ADAMTS16: variants seen among roughly 807,000 people sequenced by gnomAD.
The protein encoded by ADAMTS16 is ADAM metallopeptidase with thrombospondin type 1 motif 16, also known as A disintegrin and metalloproteinase with thrombospondin motifs 16.
ADAMTS16 carries 94 observed loss-of-function variants against 145.8 expected under a neutral mutation model. The observed-to-expected ratio is 0.64, with a 90% CI of 0.55 to 0.77. The LOEUF (loss-of-function observed/expected upper bound fraction) is 0.77, where lower values mean the gene tolerates loss of function less well. Among genes scored for constraint, ADAMTS16 ranks in the 30% least tolerant of loss-of-function variants. The probability of loss-of-function intolerance (pLI) is 0.00; values close to 1 mark genes in which losing one functional copy is unlikely to be tolerated. For missense variants in ADAMTS16, 1,585 were observed against 1,591.5 expected (o/e 1.00, Z 0.07); for synonymous variants, 659 against 604.3 (o/e 1.09, Z -1.33).
In ADAMTS16 at chr5:5,143,356, C is replaced by T. The variant is rs181605127; in HGVS notation, c.175+2590C>T. On this transcript the variant is annotated intron_variant, in intron 2 of 22. Transcript: ENST00000274181. The stretch of plus-strand genomic sequence containing the variant: ...CAATTTTCAAAAGAAGACATTTATG[C>T]GGCCAACAAACATATGAAAAAAACC... 6.6e-5 allele frequency among the ~76,000 whole-genome samples: 10 copies of T among 152,206 alleles called. No homozygotes were observed. The South Asian group carries it at 8.3e-4, about 13-fold the overall frequency.
At chr5:5,192,863 C>T (rs1012445009) in intron 8 of ADAMTS16, among the ~76,000 whole-genome samples, 1 of 152,200 alleles carries the variant, frequency 6.6e-6, no homozygotes, top group Non-Finnish European at 1.5e-5. Context: ...GGGCCCATTT[C>T]CTGCCCAAGC....
chr5:5,281,019 G>T (rs1405599811), intron 18 of ADAMTS16, among the ~76,000 whole-genome samples: 1 of 152,150 alleles, frequency 6.6e-6, no homozygotes, highest in Non-Finnish European at 1.5e-5. Flanking sequence ...TTTCCTTCTA[G>T]CCAGCAATAT....
chr5:5,238,868 G>A (rs1579333103), intron 14 of ADAMTS16, among the ~76,000 whole-genome samples: 1 of 152,300 alleles, frequency 6.6e-6, no homozygotes, highest in Non-Finnish European at 1.5e-5. Flanking sequence ...TTCACCCATC[G>A]CTCCAACATG....
In ADAMTS16 at chr5:5,186,124, G is replaced by A. The variant is rs1431159881; in HGVS notation, c.836G>A (p.Arg279His). 10 of 1,614,036 alleles carry A rather than the reference G, an allele frequency of 6.2e-6. No homozygotes were observed. The highest frequency in any genetic ancestry group is 2.2e-5 in the East Asian group (1 of 44,870). ...TATAAGTCTTGCTTACGGCATAAGC[G>A]CTCTCTTCTGAGGTCCCATAGAAAT... The part of the protein sequence containing the change: ...DEYKSCLRHK[R>H]SLLRSHRNEE... Residue 279 changes from arginine to histidine, a missense_variant, in exon 5 of 23, where the codon CGC (arginine) becomes CAC (histidine). Around this residue, in one of 3 missense-constraint regions of ADAMTS16, gnomAD observed 453 missense variants for 412.1 expected, o/e 1.10. Coordinates refer to ENST00000274181, the MANE Select transcript of ADAMTS16 (RefSeq NM_139056.4).
Position 5,242,317 on chromosome 5 carries a change from T to C in ADAMTS16, c.2662+126T>C, listed in dbSNP as rs1239687809. 8 of 1,322,260 alleles carry C rather than the reference T, an allele frequency of 6.1e-6. No individual in the cohort carries two copies. In the South Asian group the frequency reaches 1.1e-4, roughly 18 times the overall value. 81.9% of individuals were successfully genotyped at this position (1,322,260 alleles called of 1,614,324 possible). A position where few individuals can be genotyped will look rare whatever the true frequency, so the allele number is the denominator to read the frequency against. ...CTTCTCCCTGCCAGTAGCAGTGACA[T>C]TCCCAAGGTGGGGAGTGGTGGTCCT... On this transcript the variant is annotated intron_variant, in intron 17 of 22. Transcript: ENST00000274181.
chr5:5,174,617 G>C (rs1298015399), intron 3 of ADAMTS16, among the ~76,000 whole-genome samples: 1 of 151,874 alleles, frequency 6.6e-6, no homozygotes, highest in African/African-American at 2.4e-5. Flanking sequence ...AGATCTTGTA[G>C]GCATGCTTCA....
chr5:5,173,803 C>G (rs1438603132), intron 3 of ADAMTS16, among the ~76,000 whole-genome samples: 1 of 152,154 alleles, frequency 6.6e-6, no homozygotes, highest in African/African-American at 2.4e-5. Context: ...CATAAACAAA[C>G]TAAGAAACAA....
intron 17 of ADAMTS16, among the ~76,000 whole-genome samples, chr5:5,251,957 T>G (rs1737639415): frequency 6.6e-6 from 1 of 151,948 alleles, no homozygotes; most frequent in Non-Finnish European, 1.5e-5. Flanking sequence ...TTCCCGCCAT[T>G]CTCCTGCCGC....
At chr5:5,186,276 C>T in intron 5 of ADAMTS16, 25 bp downstream of exon 5, 1 of 1,599,942 alleles carries the variant, frequency 6.3e-7, no homozygotes, top group East Asian at 2.2e-5. Context: ...CCAGTTGAGG[C>T]CACCTGTGTC....
chr5:5,211,154 G>T (rs1370159942), intron 10 of ADAMTS16, among the ~76,000 whole-genome samples: 1 of 152,174 alleles, frequency 6.6e-6, no homozygotes, highest in Non-Finnish European at 1.5e-5. Context: ...GTTTGTAAAA[G>T]ATTGGTGTTG....
intron 4 of ADAMTS16, among the ~76,000 whole-genome samples, chr5:5,183,836 G>C (rs1246102141): frequency 6.6e-6 from 1 of 152,196 alleles, no homozygotes; most frequent in Non-Finnish European, 1.5e-5. Flanking sequence ...AATAGTGGTG[G>C]TAAGTGAAAG....
At chr5:5,259,999 T>C (rs538141738) in intron 17 of ADAMTS16, among the ~76,000 whole-genome samples, 1 of 152,230 alleles carries the variant, frequency 6.6e-6, no homozygotes, top group Non-Finnish European at 1.5e-5. Flanking sequence ...CATCTTTGAT[T>C]TTCCTAAATT....
intron 18 of ADAMTS16, among the ~76,000 whole-genome samples, chr5:5,299,338 C>T (rs971663662): frequency 6.6e-6 from 1 of 152,198 alleles, no homozygotes; most frequent in African/African-American, 2.4e-5. Context: ...CCTGGCGGGG[C>T]TTGGCCCTAG....
In ADAMTS16 at chr5:5,168,352, C is replaced by CATTATTATTATTATT. The variant is rs70965930; in HGVS notation, c.502-13673_502-13659dup. ...CTTTTACGTCTTTATTTATCCGAAACATTATTATTATTATTATTATTATTA... is the reference window on the plus strand; with the variant it reads ...CTTTTACGTCTTTATTTATCCGAAACATTATTATTATTATTATTATTATTATTATTATTATTATTA... On this transcript the variant is annotated intron_variant, in intron 3 of 22. Coordinates refer to ENST00000274181, the MANE Select transcript of ADAMTS16 (RefSeq NM_139056.4). Among the ~76,000 whole-genome samples, 722 of 139,786 alleles carry CATTATTATTATTATT rather than the reference C, an allele frequency of 5.2e-3. 8 individuals carry two copies. Among genetic ancestry groups the CATTATTATTATTATT allele is most frequent in the African/African-American group, 0.016 (598 of 37,710 alleles). The allele number at this position is 139,786 out of a possible 152,430, so 91.7% of individuals were successfully genotyped here.
At chr5:5,177,537 C>T (rs914182355) in intron 3 of ADAMTS16, among the ~76,000 whole-genome samples, 7 of 151,960 alleles carry the variant, frequency 4.6e-5, no homozygotes, top group Non-Finnish European at 1.5e-5. Flanking sequence ...AAGATTTTAG[C>T]CAAATTTTTT....
chr5:5,305,104 T>C (rs896745635), intron 20 of ADAMTS16, among the ~76,000 whole-genome samples: 62 of 20,980 alleles, frequency 3.0e-3, no homozygotes, highest in Admixed American at 6.0e-3. Flanking sequence ...CACACACACA[T>C]CCCACACCAC....
At chr5:5,229,964 C>G (rs372014083) in intron 11 of ADAMTS16, among the ~76,000 whole-genome samples, 59 of 152,326 alleles carry the variant, frequency 3.9e-4, no homozygotes, top group African/African-American at 1.3e-3. Context: ...TCCCTGAACA[C>G]TGAAGCATCC....
intron 10 of ADAMTS16, among the ~76,000 whole-genome samples, chr5:5,221,034 G>T (rs992406130): frequency 1.4e-4 from 21 of 152,178 alleles, no homozygotes; most frequent in African/African-American, 5.1e-4. Flanking sequence ...CCGCCCAGGG[G>T]CTGCTCAATC....
intron 14 of ADAMTS16, among the ~76,000 whole-genome samples, chr5:5,238,124 A>G (rs571244132): frequency 1.7e-4 from 26 of 152,242 alleles, no homozygotes; most frequent in Admixed American, 3.9e-4. Context: ...GATCTCTTTC[A>G]TTGTACCTCA....
Sources: gnomAD v4.1 joint callset for allele counts (sites outside exome capture counted in the v4.1 genomes callset) on GRCh38, gnomAD v4.1.1 for gene constraint, gnomAD v4.1.1 regional missense constraint, MANE v1.5 for transcripts, NCBI Gene and HGNC (gene_info 2026-07-23, HGNC 2026-07-21) for gene names.